DLG2: variants seen among roughly 807,000 people sequenced by gnomAD.
DLG2 encodes discs large MAGUK scaffold protein 2, also known as disks large homolog 2.
Under a neutral mutation model 132.5 loss-of-function variants are expected in DLG2, and 45 were observed. The observed-to-expected ratio is 0.34, with a 90% CI of 0.27 to 0.44. DLG2 has a LOEUF of 0.44. Among genes scored for constraint, DLG2 ranks in the 20% least tolerant of loss-of-function variants. The probability of loss-of-function intolerance (pLI) is 1.00; values close to 1 mark genes in which losing one functional copy is unlikely to be tolerated. For synonymous variants in DLG2, 424 were observed against 419.6 expected (o/e 1.01, Z -0.13); for missense variants, 1,045 against 1,196.9 (o/e 0.87, Z 1.87).
intron 11 of DLG2, among the ~76,000 whole-genome samples, chr11:83,988,286 T>C (rs1235938530): frequency 6.6e-6 from 1 of 152,180 alleles, no homozygotes; most frequent in African/African-American, 2.4e-5. Flanking sequence ...TTGTCTTTAA[T>C]TCATCTTGAG....
intron 7 of DLG2, among the ~76,000 whole-genome samples, chr11:84,347,166 C>A (rs2098542857): frequency 6.6e-6 from 1 of 151,990 alleles, no homozygotes; most frequent in Admixed American, 6.6e-5. Flanking sequence ...TGTGCACAGA[C>A]AGAAGCTTGG....
chr11:83,928,672 T>C (rs576001248), intron 15 of DLG2, among the ~76,000 whole-genome samples: 5 of 152,232 alleles, frequency 3.3e-5, no homozygotes, highest in Admixed American at 3.3e-4. Context: ...ATCCCAGCTG[T>C]CACTTACTAA....
chr11:84,344,276 A>G (rs1466048947), intron 7 of DLG2, among the ~76,000 whole-genome samples: 5 of 152,128 alleles, frequency 3.3e-5, no homozygotes, highest in Non-Finnish European at 7.4e-5. Context: ...CTTGTGTGTA[A>G]AATGTCTGTA....
intron 21 of DLG2, among the ~76,000 whole-genome samples, chr11:83,484,914 T>C (rs2093408302): frequency 6.6e-6 from 1 of 152,092 alleles, no homozygotes; most frequent in Admixed American, 6.6e-5. Flanking sequence ...TAATTAACAA[T>C]AATTTAGCCC....
intron 18 of DLG2, among the ~76,000 whole-genome samples, chr11:83,710,000 A>G (rs550193977): frequency 5.0e-4 from 76 of 152,252 alleles, no homozygotes; most frequent in Non-Finnish European, 8.1e-4. Context: ...ATTTTGTGAA[A>G]GATTTTAGAA....
At chr11:84,847,519 G>A (rs181953633) in intron 6 of DLG2, among the ~76,000 whole-genome samples, 1 of 152,166 alleles carries the variant, frequency 6.6e-6, no homozygotes, top group Non-Finnish European at 1.5e-5. Flanking sequence ...CAGTTTTCAA[G>A]CACAATCTAG....
intron 3 of DLG2, 123 bp downstream of exon 3, chr11:85,598,534 C>T (rs556266946): frequency 3.7e-6 from 2 of 536,518 alleles, no homozygotes; most frequent in East Asian, 3.5e-5. Context: ...TCTTCCCTTC[C>T]AGTATTAAAG....
intron 3 of DLG2, among the ~76,000 whole-genome samples, chr11:85,497,746 C>A (rs1452898996): frequency 6.6e-6 from 1 of 152,198 alleles, no homozygotes; most frequent in African/African-American, 2.4e-5. Flanking sequence ...AGAAACCCTA[C>A]AAGCCAAAAG....
chr11:84,619,714 TAAAA>T (rs1324435600), intron 6 of DLG2, among the ~76,000 whole-genome samples: 2 of 151,532 alleles, frequency 1.3e-5, no homozygotes, highest in African/African-American at 4.8e-5. Context: ...AGAGAACTGA[TAAAA>T]AAATTCTCGA....
At chr11:84,396,190 T>C (rs1288484837) in intron 7 of DLG2, among the ~76,000 whole-genome samples, 1 of 152,192 alleles carries the variant, frequency 6.6e-6, no homozygotes, top group Non-Finnish European at 1.5e-5. Context: ...ATAGCTCCAC[T>C]TTTCCCATAA....
At chr11:85,479,038 A>G (rs1294184447) in intron 3 of DLG2, among the ~76,000 whole-genome samples, 2 of 152,216 alleles carry the variant, frequency 1.3e-5, no homozygotes, top group Non-Finnish European at 2.9e-5. Context: ...TGACTACATG[A>G]GATTTTTAAT....
intron 19 of DLG2, among the ~76,000 whole-genome samples, chr11:83,627,795 T>A (rs922542765): frequency 7.2e-5 from 11 of 152,198 alleles, no homozygotes; most frequent in African/African-American, 2.4e-4. Context: ...CCACACTGAC[T>A]TCCACAATGG....
At chr11:84,835,307 GGAGGTAGA>G (rs2079597671) in intron 6 of DLG2, among the ~76,000 whole-genome samples, 2 of 151,676 alleles carry the variant, frequency 1.3e-5, no homozygotes, top group Admixed American at 1.3e-4. Context: ...CTTTAGTTCT[GGAGGTAGA>G]CAGACCTACA....
intron 6 of DLG2, among the ~76,000 whole-genome samples, chr11:84,745,184 G>A (rs2065205910): frequency 6.6e-6 from 1 of 152,108 alleles, no homozygotes; most frequent in Non-Finnish European, 1.5e-5. Flanking sequence ...TCATGATATG[G>A]TTTGGATCTG....
intron 3 of DLG2, among the ~76,000 whole-genome samples, chr11:85,324,972 GT>G (rs1241620755): frequency 1.0e-4 from 15 of 147,388 alleles, no homozygotes; most frequent in Non-Finnish European, 1.6e-4. Context: ...AGCGCAAGGG[GT>G]CAGGGAGTTC....
intron 6 of DLG2, among the ~76,000 whole-genome samples, chr11:84,542,703 G>A (rs1335133208): frequency 6.6e-6 from 1 of 152,024 alleles, no homozygotes; most frequent in Non-Finnish European, 1.5e-5. Flanking sequence ...GATCCCTAAG[G>A]AAGAGGTAAG....
chr11:84,482,569 A>G (rs2154493736), intron 7 of DLG2, among the ~76,000 whole-genome samples: 1 of 152,356 alleles, frequency 6.6e-6, no homozygotes, highest in Non-Finnish European at 1.5e-5. Context: ...AACTGTTGAG[A>G]GGTTACACAA....
At chr11:85,535,063 T>A (rs1186004106) in intron 3 of DLG2, among the ~76,000 whole-genome samples, 1 of 152,196 alleles carries the variant, frequency 6.6e-6, no homozygotes, top group Non-Finnish European at 1.5e-5. Context: ...TCACTGTGGT[T>A]TTGACTTGTA....
intron 3 of DLG2, among the ~76,000 whole-genome samples, chr11:85,390,423 C>T (rs796492837): frequency 2.0e-5 from 3 of 152,190 alleles, no homozygotes; most frequent in African/African-American, 7.2e-5. Context: ...CATTATTCCA[C>T]TGGCAGCACA....
Sources: gnomAD v4.1 joint callset for allele counts (sites outside exome capture counted in the v4.1 genomes callset) on GRCh38, gnomAD v4.1.1 for gene constraint, MANE v1.5 for transcripts, NCBI Gene and HGNC (gene_info 2026-07-23, HGNC 2026-07-21) for gene names.